The following C6 variants were observed in gnomAD, a reference collection of about 807,000 sequenced individuals.
The protein encoded by C6 is complement component C6.
Under a neutral mutation model 112.9 loss-of-function variants are expected in C6, and 101 were observed. That is an observed-to-expected ratio of 0.89 (90% CI 0.76 to 1.06). The LOEUF (loss-of-function observed/expected upper bound fraction) is 1.06. Among genes scored for constraint, C6 ranks in the 50% least tolerant of loss-of-function variants. C6 has a pLI of 0.00. For synonymous variants in C6, 431 were observed against 384.1 expected, an observed-to-expected ratio of 1.12 and a Z score of -1.43; for missense variants, 1,202 against 1,104.6, an observed-to-expected ratio of 1.09 and a Z score of -1.25.
chr5:41,155,090 T>C lies in C6; in HGVS notation c.1983A>G (p.Leu661=). 2 of 1,613,516 alleles carry C rather than the reference T, an allele frequency of 1.2e-6. No homozygotes were observed. The highest frequency in any genetic ancestry group is 2.2e-5 in the East Asian group (1 of 44,842). Residue 661 remains leucine, a synonymous_variant, in exon 14 of 18, where the codon CTA becomes CTG. Transcript: ENST00000337836. ...TTTCAACATCTTCTCCAACCAAGTA[T>C]AGTTGCTTTTCATTCTTAATTAAAG... ...ENGFIRNEKQ[L]YLVGEDVEIS... is the part of the protein sequence containing the mutation.
chr5:41,253,656 C>G (rs760532680), intron 1 of C6, among the ~76,000 whole-genome samples: 171 of 152,056 alleles, frequency 1.1e-3, no homozygotes, highest in Non-Finnish European at 2.1e-3. Context: ...TTTTATTTAG[C>G]TTGTTTTTAG....
At chr5:41,195,659 G>T in intron 5 of C6, 133 bp downstream of exon 5, 2 of 935,756 alleles carry the variant, frequency 2.1e-6, no homozygotes, top group Non-Finnish European at 3.5e-6. Flanking sequence ...TGGTAGCTAA[G>T]TATCAGAGAT....
chr5:41,206,201 C>G (rs887443631), intron 1 of C6, among the ~76,000 whole-genome samples: 5 of 152,152 alleles, frequency 3.3e-5, no homozygotes, highest in Non-Finnish European at 7.4e-5. Flanking sequence ...GACATCCACA[C>G]CAAAACCCCA....
At chr5:41,209,111 G>A (rs1040869157) in intron 1 of C6, among the ~76,000 whole-genome samples, 1 of 152,042 alleles carries the variant, frequency 6.6e-6, no homozygotes, top group Admixed American at 6.6e-5. Flanking sequence ...CAGAACCAAC[G>A]ACAAAAACCA....
At chr5:41,190,349 T>A (rs1336318965) in intron 5 of C6, among the ~76,000 whole-genome samples, 1 of 152,222 alleles carries the variant, frequency 6.6e-6, no homozygotes, top group Non-Finnish European at 1.5e-5. Flanking sequence ...ATTTTCATTT[T>A]CCCGATGATT....
intron 1 of C6, among the ~76,000 whole-genome samples, chr5:41,260,449 C>CG (rs1561212961): frequency 7.1e-6 from 1 of 141,138 alleles, no homozygotes; most frequent in African/African-American, 2.8e-5. Context: ...AACAAATAAA[C>CG]CCCCCCCCAA....
chr5:41,172,751 A>T, intron 8 of C6: 1 of 284,374 alleles, frequency 3.5e-6, no homozygotes, highest in South Asian at 3.9e-5. Context: ...AAAGATTATG[A>T]CGTGCTCTGA....
At position 41,153,917 on chromosome 5, in the gene C6, A is replaced by G; in HGVS notation, c.2183T>C (p.Ile728Thr). The stretch of plus-strand genomic sequence containing the variant: ...AAAGCCTTTGGGGCAAGTTAGCTCA[A>G]TGGATTCACCAATTCTATACAATCT... ...FQRLYRIGES[I>T]ELTCPKGFVV... Residue 728 changes from isoleucine to threonine, a missense_variant, in exon 15 of 18, where the codon ATT (isoleucine) becomes ACT (threonine). Ile to Thr is a moderately conservative substitution (Grantham distance 89). Transcript: ENST00000337836. 1.2e-6 allele frequency: 2 copies of G among 1,613,820 alleles called. No homozygotes were observed. Among genetic ancestry groups the G allele is most frequent in the African/African-American group, 2.7e-5 (2 of 75,052 alleles).
At position 41,203,059 on chromosome 5, in the gene C6, C is replaced by A. The variant is rs571974219; in HGVS notation, c.143+29G>T. The A allele has an allele frequency of 1.9e-5, 30 of 1,612,928 alleles. 1 individual carries two copies. The South Asian group carries it at 3.1e-4, about 17-fold the overall frequency. ...TTCATCCTTGAGTCCTTCCAGGACA[C>A]AAAGAAAAGCCACAAAGCTCACACC... On this transcript the variant is annotated intron_variant, in intron 2 of 17. Transcript: ENST00000337836.
intron 1 of C6, among the ~76,000 whole-genome samples, chr5:41,206,941 G>A: frequency 6.6e-6 from 1 of 152,140 alleles, no homozygotes; most frequent in East Asian, 1.9e-4. Flanking sequence ...CACCAAAGTT[G>A]AAATGAAGGA....
chr5:41,234,536 TG>T (rs1740130338), intron 1 of C6, among the ~76,000 whole-genome samples: 1 of 152,048 alleles, frequency 6.6e-6, no homozygotes, highest in Non-Finnish European at 1.5e-5. Flanking sequence ...AGAAAGTGAT[TG>T]AATTAGCACT....
upstream of C6, among the ~76,000 whole-genome samples, chr5:41,218,000 A>G (rs972025761): frequency 6.6e-6 from 1 of 152,144 alleles, no homozygotes; most frequent in Non-Finnish European, 1.5e-5. Context: ...TGGTTTGCAA[A>G]GCACTCTTCA....
intron 1 of C6, among the ~76,000 whole-genome samples, chr5:41,208,674 G>A (rs1391868255): frequency 6.6e-6 from 1 of 152,172 alleles, no homozygotes; most frequent in Non-Finnish European, 1.5e-5. Flanking sequence ...AAACCAGGAA[G>A]AAGTTGAATC....
At chr5:41,260,940 T>C (rs753666191) in intron 1 of C6, among the ~76,000 whole-genome samples, 15 of 152,152 alleles carry the variant, frequency 9.9e-5, no homozygotes, top group Non-Finnish European at 1.6e-4. Context: ...CAATTAGTAA[T>C]GACAAGATAC....
intron 1 of C6, among the ~76,000 whole-genome samples, chr5:41,237,128 A>G (rs1435339044): frequency 2.4e-5 from 3 of 125,882 alleles, no homozygotes; most frequent in African/African-American, 9.7e-5. Context: ...ATGGATTCAC[A>G]GCCGAATTCT....
chr5:41,236,266 G>T (rs1198605530), intron 1 of C6, among the ~76,000 whole-genome samples: 9 of 107,772 alleles, frequency 8.4e-5, no homozygotes, highest in African/African-American at 3.0e-4. Flanking sequence ...AAGGTGTAAG[G>T]AAGGGATCCA....
At chr5:41,195,733 C>T (rs2150354255) in intron 5 of C6, 59 bp downstream of exon 5, 1 of 1,556,094 alleles carries the variant, frequency 6.4e-7, no homozygotes, top group Non-Finnish European at 8.8e-7. Flanking sequence ...TCATTGCTCC[C>T]TCTGACTCAT....
chr5:41,175,548 T>C (rs1032670573), intron 8 of C6, among the ~76,000 whole-genome samples: 7 of 152,230 alleles, frequency 4.6e-5, no homozygotes, highest in African/African-American at 1.7e-4. Context: ...CTCTTCATTT[T>C]GGTGATGGGG....
At chr5:41,239,815 A>G (rs1002091503) in intron 1 of C6, among the ~76,000 whole-genome samples, 1 of 152,048 alleles carries the variant, frequency 6.6e-6, no homozygotes, top group Non-Finnish European at 1.5e-5. Context: ...AAATTCCCTC[A>G]GTTTTTGCTT....
Sources: allele counts gnomAD v4.1 joint callset (sites outside exome capture counted in the v4.1 genomes callset), GRCh38; gene constraint gnomAD v4.1.1; transcripts MANE v1.5; gene names NCBI Gene and HGNC (gene_info 2026-07-23, HGNC 2026-07-21).